The following SLC37A1 variants were observed in gnomAD, a reference collection of about 807,000 sequenced individuals.
SLC37A1 encodes the protein glucose-6-phosphate exchanger SLC37A1.
SLC37A1 carries 49 observed loss-of-function variants against 75.3 expected under a neutral mutation model. The ratio of observed to expected loss-of-function variants is 0.65; its 90% CI spans 0.52 to 0.83. SLC37A1 has a LOEUF of 0.83. Ranked by LOEUF, SLC37A1 falls within the 40% of genes least tolerant of loss-of-function variation. The pLI, the probability that SLC37A1 is intolerant of heterozygous loss-of-function variation, is 0.00. For missense variants in SLC37A1, 566 were observed against 695.0 expected, an observed-to-expected ratio of 0.81 and a Z score of 2.09; for synonymous variants, 268 against 292.1, an observed-to-expected ratio of 0.92 and a Z score of 0.84.
intron 4 of SLC37A1, 104 bp downstream of exon 4, chr21:42,534,934 T>A: frequency 7.0e-7 from 1 of 1,424,204 alleles, no homozygotes. Context: ...GTAACTGCAT[T>A]TCCATGACAG....
intron 18 of SLC37A1, among the ~76,000 whole-genome samples, chr21:42,578,708 T>G (rs1031890285): frequency 2.0e-5 from 3 of 152,220 alleles, no homozygotes; most frequent in Non-Finnish European, 4.4e-5. Context: ...GCAGAGCAGC[T>G]GGATGCATCT....
At chr21:42,508,988 C>A (rs2054410005), upstream of SLC37A1, among the ~76,000 whole-genome samples, 1 of 152,170 alleles carries the variant, frequency 6.6e-6, no homozygotes, top group Admixed American at 6.5e-5. Context: ...TAAAATTCTA[C>A]CACTAAAATG....
At chr21:42,558,812 G>A in intron 10 of SLC37A1, 146 bp from the exon 11 acceptor site, 1 of 904,366 alleles carries the variant, frequency 1.1e-6, no homozygotes, top group Non-Finnish European at 1.7e-6. Context: ...ACAGTGGCCA[G>A]GTGGGAATGT....
intron 1 of SLC37A1, among the ~76,000 whole-genome samples, chr21:42,500,631 G>A (rs1206041405): frequency 1.3e-5 from 2 of 152,214 alleles, no homozygotes; most frequent in South Asian, 2.1e-4. Context: ...GTTTTCAGTC[G>A]TGTTTTTTTC....
At position 42,536,422 on chromosome 21, in the gene SLC37A1, A is replaced by C. The variant is rs73905682; in HGVS notation, c.350+872A>C. On this transcript the variant is annotated intron_variant, in intron 5 of 19. Transcript: ENST00000352133. ...GCAGGTGGTGAATATTATATGGGTCATAGGACGTGTGATTGGCTGATTAAA... is the reference window on the plus strand; with the variant it reads ...GCAGGTGGTGAATATTATATGGGTCCTAGGACGTGTGATTGGCTGATTAAA... Among the ~76,000 whole-genome samples, 1,308 of 152,326 alleles carry C rather than the reference A, an allele frequency of 8.6e-3. 15 individuals carry two copies. Among genetic ancestry groups the C allele is most frequent in the African/African-American group, 0.03 (1,255 of 41,568 alleles).
chr21:42,503,619 G>A (rs1054479663), intron 2 of SLC37A1, among the ~76,000 whole-genome samples: 1 of 151,990 alleles, frequency 6.6e-6, no homozygotes, highest in Non-Finnish European at 1.5e-5. Flanking sequence ...ATGTTTCTTG[G>A]GTGACTACCA....
intron 2 of SLC37A1, among the ~76,000 whole-genome samples, chr21:42,504,294 C>T (rs1166068545): frequency 6.6e-6 from 1 of 152,078 alleles, no homozygotes; most frequent in African/African-American, 2.4e-5. Context: ...GTCTCAGTTC[C>T]AAGGATGTGT....
chr21:42,534,903 G>A, intron 4 of SLC37A1, 73 bp downstream of exon 4: 1 of 1,538,752 alleles, frequency 6.5e-7, no homozygotes, highest in Non-Finnish European at 8.8e-7. Flanking sequence ...CACTTTAGCA[G>A]CAGTAATGCT....
At chr21:42,539,438 A>G in intron 5 of SLC37A1, 74 bp from the exon 6 acceptor site, 1 of 1,513,808 alleles carries the variant, frequency 6.6e-7, no homozygotes. Flanking sequence ...GCATCCGGCA[A>G]GAAACAGCCA....
chr21:42,580,208 T>A, intron 19 of SLC37A1, 137 bp from the exon 20 acceptor site: 1 of 967,332 alleles, frequency 1.0e-6, no homozygotes, highest in Admixed American at 2.0e-5. Flanking sequence ...CCAGCACCCC[T>A]GCAGGAGAGG....
upstream of SLC37A1, among the ~76,000 whole-genome samples, chr21:42,511,936 T>C (rs2054437352): frequency 6.6e-6 from 1 of 152,030 alleles, no homozygotes; most frequent in Admixed American, 6.6e-5. Flanking sequence ...GGGGAGTCGC[T>C]GGCCAAAGAG....
At chr21:42,566,252 G>A (rs1191742859) in intron 15 of SLC37A1, among the ~76,000 whole-genome samples, 4 of 152,234 alleles carry the variant, frequency 2.6e-5, no homozygotes, top group Non-Finnish European at 5.9e-5. Flanking sequence ...ACCCCTGGTG[G>A]TGAGAGCAGC....
At chr21:42,532,403 G>A (rs996212621) in intron 3 of SLC37A1, among the ~76,000 whole-genome samples, 1 of 152,196 alleles carries the variant, frequency 6.6e-6, no homozygotes, top group African/African-American at 2.4e-5. Context: ...CCCTGCACAT[G>A]ATTCTCCCTC....
intron 1 of SLC37A1, among the ~76,000 whole-genome samples, chr21:42,500,101 CAAA>C (rs2054327541): frequency 6.6e-6 from 1 of 152,168 alleles, no homozygotes; most frequent in Non-Finnish European, 1.5e-5. Flanking sequence ...CAGTAAAATG[CAAA>C]CAGATTTTTT....
intron 10 of SLC37A1, among the ~76,000 whole-genome samples, chr21:42,557,784 C>T (rs1601743657): frequency 6.7e-6 from 1 of 149,080 alleles, no homozygotes; most frequent in African/African-American, 2.5e-5. Flanking sequence ...TTACCATTTT[C>T]TTTTTTTTTT....
At chr21:42,518,219 C>T (rs550551791) in intron 1 of SLC37A1, 58 bp from the exon 2 acceptor site, 22 of 541,384 alleles carry the variant, frequency 4.1e-5, no homozygotes, top group Non-Finnish European at 6.1e-5. Context: ...CTGCCAGTAA[C>T]GCTGAAGGTG....
chr21:42,575,580 G>A, intron 18 of SLC37A1: 2 of 985,122 alleles, frequency 2.0e-6, no homozygotes, highest in Non-Finnish European at 2.4e-6. Context: ...TCACATAGAT[G>A]TGCAGCTGTG....
intron 6 of SLC37A1, among the ~76,000 whole-genome samples, chr21:42,540,716 T>C (rs1371253151): frequency 6.6e-6 from 1 of 152,234 alleles, no homozygotes; most frequent in Non-Finnish European, 1.5e-5. Context: ...TTTGTGATGC[T>C]TCTGGGGCTC....
chr21:42,534,575 A>G, intron 3 of SLC37A1, 123 bp from the exon 4 acceptor site: 1 of 1,203,130 alleles, frequency 8.3e-7, no homozygotes, highest in Non-Finnish European at 1.1e-6. Flanking sequence ...CTTAGAATGC[A>G]GGGTGCAGGT....
Sources: gnomAD v4.1 joint callset for allele counts (sites outside exome capture counted in the v4.1 genomes callset) on GRCh38, gnomAD v4.1.1 for gene constraint, MANE v1.5 for transcripts, NCBI Gene and HGNC (gene_info 2026-07-23, HGNC 2026-07-21) for gene names.